Variants in HGSNAT observed in about 807,000 individuals in gnomAD.
HGSNAT encodes the protein heparan-alpha-glucosaminide N-acetyltransferase, also known as transmembrane protein 76.
In HGSNAT, 59 loss-of-function variants were observed where a neutral mutation model predicts 85.2. The ratio of observed to expected loss-of-function variants is 0.69; its 90% CI spans 0.56 to 0.86. The LOEUF is 0.86. Among genes scored for constraint, HGSNAT ranks in the 40% least tolerant of loss-of-function variants. HGSNAT has a pLI of 0.00. For synonymous variants in HGSNAT, 321 were observed against 304.5 expected, an observed-to-expected ratio of 1.05 and a Z score of -0.56; for missense variants, 756 against 777.1, an observed-to-expected ratio of 0.97 and a Z score of 0.32.
chr8:43,157,834 A>G (rs1803140165), intron 2 of HGSNAT, among the ~76,000 whole-genome samples: 1 of 151,746 alleles, frequency 6.6e-6, no homozygotes, highest in Non-Finnish European at 1.5e-5. Flanking sequence ...TAGGTCTTTT[A>G]AAACACATAA....
At chr8:43,188,861 C>T (rs1357436306) in intron 11 of HGSNAT, among the ~76,000 whole-genome samples, 1 of 152,110 alleles carries the variant, frequency 6.6e-6, no homozygotes, top group Non-Finnish European at 1.5e-5. Context: ...GTTAGTTTTC[C>T]TTCTAACAGT....
chr8:43,158,094 TTTTTTTGTTTTG>T (rs1803149184), intron 2 of HGSNAT, among the ~76,000 whole-genome samples: 3 of 152,266 alleles, frequency 2.0e-5, no homozygotes, highest in South Asian at 2.1e-4. Context: ...ACAGTGATTT[TTTTTTTGTTTTG>T]TTTTTTGTTT....
chr8:43,196,083 C>T (rs945631785), intron 14 of HGSNAT: 1 of 262,228 alleles, frequency 3.8e-6, no homozygotes, highest in Admixed American at 5.0e-5. Context: ...GACCTGGAGC[C>T]ACGCTCCCTG....
In HGSNAT at chr8:43,160,378, C is replaced by T. The variant is rs370017995; in HGVS notation, c.494-1060C>T. On this transcript the variant is annotated intron_variant, in intron 4 of 17. Transcript: ENST00000379644. The stretch of plus-strand genomic sequence containing the variant: ...TATACTATATGAGTGGATGAAACCA[C>T]GAGGTGAAGGGGAATTTTTACCAGC... Among the ~76,000 whole-genome samples the T allele has an allele frequency of 5.9e-5, 9 of 152,276 alleles. No homozygotes were observed. In the South Asian group the frequency reaches 1.0e-3, roughly 18 times the overall value.
chr8:43,144,294 C>G (rs1358388831), intron 1 of HGSNAT, among the ~76,000 whole-genome samples: 2 of 146,836 alleles, frequency 1.4e-5, no homozygotes, highest in African/African-American at 5.1e-5. Flanking sequence ...CACTGCACTC[C>G]AGCCTGGGAG....
intron 11 of HGSNAT, among the ~76,000 whole-genome samples, chr8:43,187,435 G>A (rs890788949): frequency 4.6e-5 from 7 of 152,180 alleles, no homozygotes; most frequent in Admixed American, 3.3e-4. Flanking sequence ...TTGGTTTAAA[G>A]TCTGTTTAAT....
At chr8:43,198,569 G>T (rs1003267997) in intron 17 of HGSNAT, among the ~76,000 whole-genome samples, 1 of 152,066 alleles carries the variant, frequency 6.6e-6, no homozygotes, top group African/African-American at 2.4e-5. Context: ...TTACAGGCGT[G>T]AGCCACCGTG....
intron 11 of HGSNAT, among the ~76,000 whole-genome samples, chr8:43,189,892 C>T (rs561138897): frequency 2.0e-4 from 31 of 152,282 alleles, no homozygotes; most frequent in African/African-American, 6.5e-4. Flanking sequence ...CGCGTCTGGC[C>T]GCCTGACCCC....
At position 43,193,771 on chromosome 8, in the gene HGSNAT, C is replaced by A. The variant is rs767972481; in HGVS notation, c.1392C>A (p.Thr464=). 1 of 1,612,838 alleles carries A rather than the reference C, an allele frequency of 6.2e-7. No homozygotes were observed. The highest frequency in any genetic ancestry group is 2.2e-5 in the East Asian group (1 of 44,864). ...TGTTTGTTAAGGTACTTTACCACAC[C>A]GAGGTGGCCTATGACCCCGAGGGCA... is the stretch of plus-strand genomic sequence containing the variant. The part of the protein sequence containing the change: ...QHPSSAVLYH[T]EVAYDPEGIL... Residue 464 remains threonine (T), a synonymous_variant, in exon 14 of 18, where the codon ACC becomes ACA. Coordinates refer to ENST00000379644, the MANE Select transcript of HGSNAT (RefSeq NM_152419.3).
Position 43,184,017 on chromosome 8 carries a change from T to G in HGSNAT, c.1128+1757T>G, listed in dbSNP as rs1200528380. On this transcript the variant is annotated intron_variant, in intron 11 of 17. Transcript: ENST00000379644. The stretch of plus-strand genomic sequence containing the variant: ...TCCATGGTGTATATGTGCCACATTT[T>G]CTTAATCCAGTCTATCATTGTTGGG... Among the ~76,000 whole-genome samples the G allele has an allele frequency of 2.6e-5, 4 of 152,264 alleles. No homozygotes were observed. In the East Asian group the frequency reaches 5.8e-4, roughly 22 times the overall value.
At chr8:43,195,482 G>T (rs1804674040) in intron 14 of HGSNAT, among the ~76,000 whole-genome samples, 1 of 149,546 alleles carries the variant, frequency 6.7e-6, no homozygotes, top group Non-Finnish European at 1.5e-5. Flanking sequence ...ATGAGTAGTA[G>T]GAGGAGGAGA....
At chr8:43,198,052 C>G in intron 17 of HGSNAT, 100 bp downstream of exon 17, 3 of 811,932 alleles carry the variant, frequency 3.7e-6, no homozygotes, top group Non-Finnish European at 6.0e-6. Context: ...GAGCCACTGC[C>G]CTAGCGGCAG....
intron 5 of HGSNAT, among the ~76,000 whole-genome samples, chr8:43,163,767 C>T (rs980443154): frequency 6.6e-6 from 1 of 152,188 alleles, no homozygotes; most frequent in African/African-American, 2.4e-5. Context: ...CCACCTGCCT[C>T]TGCCTCTCAA....
intron 11 of HGSNAT, among the ~76,000 whole-genome samples, chr8:43,186,137 A>G (rs1002602512): frequency 6.6e-6 from 1 of 152,260 alleles, no homozygotes; most frequent in East Asian, 1.9e-4. Context: ...TGGTATCAGG[A>G]TGATGCTGGC....
At chr8:43,188,534 C>T (rs1183552804) in intron 11 of HGSNAT, among the ~76,000 whole-genome samples, 3 of 152,094 alleles carry the variant, frequency 2.0e-5, no homozygotes, top group Non-Finnish European at 4.4e-5. Context: ...ATTCTAGTTA[C>T]CCATTTGTCT....
rs535008909 is a variant in HGSNAT at position 43,153,744 on chromosome 8, C to G, written c.235-4831C>G. On this transcript the variant is annotated intron_variant, in intron 2 of 17. Transcript: ENST00000379644. ...TTTCCTACTAACCTCTATTTACTCT[C>G]TACTTCTATGAGGTCACATTTTTAG... 2.6e-5 allele frequency among the ~76,000 whole-genome samples: 4 copies of G among 152,326 alleles called. No homozygotes were observed. In the South Asian group the frequency reaches 8.3e-4, roughly 32 times the overall value.
In HGSNAT at chr8:43,192,323, G is replaced by A. The variant is rs747616932; in HGVS notation, c.1270G>A (p.Gly424Ser). 6.2e-7 allele frequency: 1 copy of A among 1,609,012 alleles called. No homozygotes were observed. The highest frequency in any genetic ancestry group is 8.5e-7 in the Non-Finnish European group (1 of 1,178,074). Residue 424 changes from glycine to serine, a missense_variant, in exon 13 of 18, where the codon GGC becomes AGC. Gly to Ser is a moderately conservative substitution (Grantham distance 56). Transcript: ENST00000379644. ...GCPTGYLGPG[G>S]IGDFGKYPNC... ...TCCTAGTGGTTATCTTGGTCCTGGGGGCATTGGAGATTTTGGCAAGTATCC... is the reference window on the plus strand; with the variant it reads ...TCCTAGTGGTTATCTTGGTCCTGGGAGCATTGGAGATTTTGGCAAGTATCC...
intron 13 of HGSNAT, among the ~76,000 whole-genome samples, chr8:43,192,785 A>T (rs1804584117): frequency 6.6e-6 from 1 of 152,156 alleles, no homozygotes; most frequent in Non-Finnish European, 1.5e-5. Flanking sequence ...AAAACAAAAA[A>T]AAAAGCAAGT....
rs1046532835 is a variant in HGSNAT at position 43,202,054 on chromosome 8, A to G, written c.*2485A>G. 1 of 152,752 alleles carries G rather than the reference A, an allele frequency of 6.5e-6. No individual in the cohort carries two copies. Among genetic ancestry groups the G allele is most frequent in the African/African-American group, 2.4e-5 (1 of 41,438 alleles). 9.5% of individuals were successfully genotyped at this position (152,752 alleles called of 1,614,324 possible). A position where few individuals can be genotyped will look rare whatever the true frequency, so the allele number is the denominator to read the frequency against. ...GTGAGTTTTCTAGAAGCATTTCTCAAACTGTGGGTTACATCAACTTGGGTG... is the reference window on the plus strand; with the variant it reads ...GTGAGTTTTCTAGAAGCATTTCTCAGACTGTGGGTTACATCAACTTGGGTG... On this transcript the variant is annotated 3_prime_UTR_variant, in exon 18 of 18. Transcript: ENST00000379644.
Sources: allele counts gnomAD v4.1 joint callset (sites outside exome capture counted in the v4.1 genomes callset), GRCh38; gene constraint gnomAD v4.1.1; transcripts MANE v1.5; gene names NCBI Gene and HGNC (gene_info 2026-07-23, HGNC 2026-07-21).